The following ESR1 variants were observed in gnomAD, a reference collection of about 807,000 sequenced individuals.
The protein encoded by ESR1 is estrogen receptor 1, also known as estrogen receptor.
ESR1 carries 12 observed loss-of-function variants against 52.7 expected under a neutral mutation model. That is an observed-to-expected ratio of 0.23 (90% CI 0.15 to 0.37). The LOEUF is 0.37. ESR1 is among the 10% of genes least tolerant of loss of function. The pLI is 1.00. For missense variants in ESR1, 584 were observed against 779.7 expected, an observed-to-expected ratio of 0.75 and a Z score of 2.99; for synonymous variants, 305 against 316.8, an observed-to-expected ratio of 0.96 and a Z score of 0.39.
rs556980742 is a variant in ESR1, at chr6:152,099,115, G to C, written c.*149G>C. 1.5e-6 allele frequency: 1 copy of C among 687,672 alleles called. No homozygotes were observed. The highest frequency in any genetic ancestry group is 1.8e-5 in the African/African-American group (1 of 57,126). The allele number at this position is 687,672 out of a possible 1,614,324, so 42.6% of individuals were successfully genotyped here. A position where few individuals can be genotyped will look rare whatever the true frequency, so the allele number is the denominator to read the frequency against. On this transcript the variant is annotated 3_prime_UTR_variant, in exon 8 of 8. Coordinates refer to ENST00000206249, the MANE Select transcript of ESR1 (RefSeq NM_000125.4). ...TAGATGAGTGGCCATTCATTTGCTT[G>C]CTCAGTTCTTAGTGGCACATCTTCT... is the stretch of plus-strand genomic sequence containing the variant.
At chr6:151,865,625 A>G (rs1246152586) in intron 2 of ESR1, among the ~76,000 whole-genome samples, 3 of 152,348 alleles carry the variant, frequency 2.0e-5, no homozygotes, top group Non-Finnish European at 2.9e-5. Context: ...GCCAGACGAC[A>G]AGGAGACATA....
At chr6:152,028,729 C>A (rs1475789088) in intron 5 of ESR1, among the ~76,000 whole-genome samples, 1 of 152,176 alleles carries the variant, frequency 6.6e-6, no homozygotes, top group Non-Finnish European at 1.5e-5. Flanking sequence ...CAGGGCATAG[C>A]CAAACAGAAG....
intron 2 of ESR1, among the ~76,000 whole-genome samples, chr6:151,861,140 T>A (rs1218017538): frequency 6.6e-6 from 1 of 152,226 alleles, no homozygotes; most frequent in African/African-American, 2.4e-5. Context: ...GTATAAATTA[T>A]TAAAATATCC....
intron 5 of ESR1, among the ~76,000 whole-genome samples, chr6:152,015,966 C>CCA (rs995771413): frequency 2.0e-5 from 3 of 152,060 alleles, no homozygotes; most frequent in African/African-American, 7.2e-5. Context: ...GGCTGTGTTC[C>CCA]CACCCAAATT....
At chr6:151,829,973 T>C (rs1328925974) in intron 1 of ESR1, among the ~76,000 whole-genome samples, 1 of 152,244 alleles carries the variant, frequency 6.6e-6, no homozygotes, top group Non-Finnish European at 1.5e-5. Flanking sequence ...ATTTTTGTAG[T>C]AAAAATTTCC....
At chr6:151,932,813 A>G (rs1475477980) in intron 3 of ESR1, among the ~76,000 whole-genome samples, 1 of 147,656 alleles carries the variant, frequency 6.8e-6, no homozygotes, top group African/African-American at 2.5e-5. Flanking sequence ...ATTGATCTAT[A>G]TCTCTGTTTT....
At chr6:152,123,666 TAC>T (rs1396000217) in intron 6 of ESR1, among the ~76,000 whole-genome samples, 3 of 152,330 alleles carry the variant, frequency 2.0e-5, no homozygotes, top group Admixed American at 2.0e-4. Context: ...GCATTTGGTG[TAC>T]ACTCAGACCC....
chr6:152,031,282 T>G (rs1339641829), intron 5 of ESR1, among the ~76,000 whole-genome samples: 1 of 151,774 alleles, frequency 6.6e-6, no homozygotes, highest in Non-Finnish European at 1.5e-5. Flanking sequence ...AAGAAATAAC[T>G]AAGATCAGAG....
At chr6:152,077,704 A>G (rs999465942) in intron 6 of ESR1, among the ~76,000 whole-genome samples, 1 of 152,214 alleles carries the variant, frequency 6.6e-6, no homozygotes, top group Non-Finnish European at 1.5e-5. Flanking sequence ...GTCAAAGGAG[A>G]TATTTTGAAG....
chr6:151,841,395 C>G (rs986785802), intron 1 of ESR1, among the ~76,000 whole-genome samples: 1 of 152,208 alleles, frequency 6.6e-6, no homozygotes, highest in African/African-American at 2.4e-5. Context: ...AAACTCCTTG[C>G]TAAGAGTCTG....
intron 3 of ESR1, among the ~76,000 whole-genome samples, chr6:151,935,255 G>C (rs1465472493): frequency 6.6e-6 from 1 of 152,150 alleles, no homozygotes; most frequent in Non-Finnish European, 1.5e-5. Context: ...AGACAAACTG[G>C]TTCTCACTTC....
At chr6:152,033,693 G>T (rs2044972267) in intron 5 of ESR1, among the ~76,000 whole-genome samples, 1 of 152,178 alleles carries the variant, frequency 6.6e-6, no homozygotes, top group Non-Finnish European at 1.5e-5. Flanking sequence ...TACACTGTTG[G>T]TGGGACTGTA....
rs527521129 is a variant in ESR1 at position 152,119,932 on chromosome 6, C to T, written c.851-5334C>T. The stretch of plus-strand genomic sequence containing the variant: ...CACTCACCAGGGTTCCCTACTTCTT[C>T]GAAGGTTCTGTTGTTTAAATCTTCA... On this transcript the variant is annotated intron_variant, in intron 6 of 6. Coordinates refer to the ESR1 transcript ENST00000427531. Among the ~76,000 whole-genome samples, 5 of 152,304 alleles carry T rather than the reference C, an allele frequency of 3.3e-5. 1 individual carries two copies. The highest frequency in any genetic ancestry group is 6.5e-5 in the Admixed American group (1 of 15,302).
intron 2 of ESR1, among the ~76,000 whole-genome samples, chr6:151,703,922 A>G (rs1779985120): frequency 6.6e-6 from 1 of 152,202 alleles, no homozygotes; most frequent in Non-Finnish European, 1.5e-5. Flanking sequence ...TTGGGATTCT[A>G]GACGCTATTG....
chr6:152,098,867 G>A lies in ESR1; in HGVS notation c.1689G>A (p.Thr563=), dbSNP rs147982903. The A allele has an allele frequency of 1.4e-5, 22 of 1,614,052 alleles. No homozygotes were observed. Among genetic ancestry groups the A allele is most frequent in the East Asian group, 4.5e-5 (2 of 44,888 alleles). Residue 563 remains threonine (T), a synonymous_variant, in exon 8 of 8, where the codon ACG becomes ACA. Transcript: ENST00000206249. The surrounding 1 kb of genome is among the most constrained non-coding windows in gnomAD (Gnocchi z 5.1). ...TSRGGASVEE[T]DQSHLATAGS... ...GTGGAGGGGCATCCGTGGAGGAGAC[G>A]GACCAAAGCCACTTGGCCACTGCGG...
At chr6:151,946,326 T>C (rs1166461932) in intron 4 of ESR1, among the ~76,000 whole-genome samples, 1 of 152,246 alleles carries the variant, frequency 6.6e-6, no homozygotes, top group Non-Finnish European at 1.5e-5. Context: ...GACATTTTCA[T>C]GTGTATCAGT....
chr6:152,060,875 G>A (rs1247869524), intron 5 of ESR1, 116 bp from the exon 6 acceptor site: 1 of 826,312 alleles, frequency 1.2e-6, no homozygotes, highest in Non-Finnish European at 1.9e-6. Flanking sequence ...ATAGTTTTTT[G>A]TTAAAGATTT....
intron 2 of ESR1, among the ~76,000 whole-genome samples, chr6:151,748,188 C>T (rs1783623197): frequency 6.6e-6 from 1 of 152,134 alleles, no homozygotes; most frequent in Non-Finnish European, 1.5e-5. Context: ...AAAAAAGTGA[C>T]ATATTCATGG....
At chr6:151,704,159 C>G (rs1464879183) in intron 2 of ESR1, among the ~76,000 whole-genome samples, 1 of 152,070 alleles carries the variant, frequency 6.6e-6, no homozygotes, top group Non-Finnish European at 1.5e-5. Context: ...TAGAAGCCAC[C>G]CATGGGGTTG....
Sources: allele counts gnomAD v4.1 joint callset (sites outside exome capture counted in the v4.1 genomes callset), GRCh38; gene constraint gnomAD v4.1.1; non-coding constraint Gnocchi (gnomAD v3.1); transcripts MANE v1.5; gene names NCBI Gene and HGNC (gene_info 2026-07-23, HGNC 2026-07-21).